Variants in PCDH11X observed in about 807,000 individuals in gnomAD.
PCDH11X encodes the protein protocadherin-11 X-linked.
Under a neutral mutation model 53.3 loss-of-function variants are expected in PCDH11X, and 18 were observed. The observed-to-expected ratio is 0.34, with a 90% CI of 0.23 to 0.50. The LOEUF (loss-of-function observed/expected upper bound fraction) is 0.50. Ranked by LOEUF, PCDH11X falls within the 20% of genes least tolerant of loss-of-function variation. The pLI, the probability that PCDH11X is intolerant of heterozygous loss-of-function variation, is 0.98. For missense variants in PCDH11X, 570 were observed against 1,032.4 expected, an observed-to-expected ratio of 0.55 and a Z score of 6.14; for synonymous variants, 279 against 393.3, an observed-to-expected ratio of 0.71 and a Z score of 3.44.
intron 6 of PCDH11X, among the ~76,000 whole-genome samples, chrX:92,190,500 G>T (rs1412543816): frequency 1.8e-5 from 2 of 111,799 alleles, no homozygotes; most frequent in Non-Finnish European, 3.8e-5. Flanking sequence ...GTTTATTTCT[G>T]TAGTCCCTGC....
chrX:91,945,689 A>C (rs904866838), intron 6 of PCDH11X, among the ~76,000 whole-genome samples: 2 of 107,072 alleles, frequency 1.9e-5, no homozygotes, highest in Non-Finnish European at 3.9e-5. Flanking sequence ...TAAGTAAAAA[A>C]TAATGGTAAA....
At chrX:91,931,163 G>T (rs1874680178) in intron 6 of PCDH11X, among the ~76,000 whole-genome samples, 1 of 106,906 alleles carries the variant, frequency 9.4e-6, no homozygotes. Flanking sequence ...TGTGTGTCGT[G>T]TGCGTGTGTG....
chrX:91,954,385 G>A (rs2061683187), intron 6 of PCDH11X, among the ~76,000 whole-genome samples: 1 of 111,338 alleles, frequency 9.0e-6, no homozygotes, highest in Non-Finnish European at 1.9e-5. Context: ...TTGATTCCAT[G>A]TCTTTGGTAT....
intron 10 of PCDH11X, among the ~76,000 whole-genome samples, chrX:92,536,782 G>C (rs749987723): frequency 2.0e-3 from 209 of 104,834 alleles, no homozygotes; most frequent in African/African-American, 7.1e-3. Context: ...CTCAGCCTCC[G>C]CAGTATCTGG....
chrX:92,055,508 C>T (rs183610414), intron 6 of PCDH11X, among the ~76,000 whole-genome samples: 4,119 of 102,249 alleles, frequency 0.04, 226 homozygotes, highest in African/African-American at 0.14. Flanking sequence ...TATATATATT[C>T]ATATGACATG....
chrX:92,474,848 C>A (rs2079789276), intron 10 of PCDH11X, among the ~76,000 whole-genome samples: 1 of 108,840 alleles, frequency 9.2e-6, no homozygotes, highest in African/African-American at 3.4e-5. Context: ...TTATTGGTTC[C>A]TGTTTTAATA....
intron 8 of PCDH11X, among the ~76,000 whole-genome samples, chrX:92,342,697 G>A (rs891958194): frequency 9.0e-5 from 10 of 110,785 alleles, no homozygotes; most frequent in Admixed American, 5.8e-4. Flanking sequence ...TATTCAAAAG[G>A]GGGGAGTGAG....
intron 6 of PCDH11X, among the ~76,000 whole-genome samples, chrX:92,157,226 AAC>A (rs1021540206): frequency 9.0e-6 from 1 of 111,595 alleles, no homozygotes; most frequent in African/African-American, 3.3e-5. Flanking sequence ...TCTGAATTAA[AAC>A]AGTTACCTAT....
At chrX:92,261,072 AT>A (rs763344410) in intron 7 of PCDH11X, among the ~76,000 whole-genome samples, 31 of 107,044 alleles carry the variant, frequency 2.9e-4, no homozygotes, top group Middle Eastern at 5.0e-3. Context: ...TCCAGCATTG[AT>A]TTTTTTTTTA....
chrX:91,827,494 A>T (rs1298722311), intron 4 of PCDH11X, among the ~76,000 whole-genome samples: 2 of 109,695 alleles, frequency 1.8e-5, no homozygotes, highest in Non-Finnish European at 3.8e-5. Context: ...TTTTGTTGTG[A>T]TTGTTTTTGG....
chrX:91,912,362 G>A (rs1941399495), intron 6 of PCDH11X, among the ~76,000 whole-genome samples: 1 of 111,370 alleles, frequency 9.0e-6, no homozygotes, highest in Non-Finnish European at 1.9e-5. Flanking sequence ...TCTGATCTTA[G>A]AGGAAAGGCT....
intron 6 of PCDH11X, among the ~76,000 whole-genome samples, chrX:91,923,132 T>C (rs2078413664): frequency 9.4e-6 from 1 of 106,545 alleles, no homozygotes; most frequent in African/African-American, 3.4e-5. Context: ...TAGGCATAAT[T>C]ATGACCTCAT....
chrX:92,617,134 C>T (rs12859443), intron 10 of PCDH11X, among the ~76,000 whole-genome samples: 1 of 111,620 alleles, frequency 9.0e-6, no homozygotes, highest in Non-Finnish European at 1.9e-5. Flanking sequence ...GTATTCAATA[C>T]TTAACCTTTG....
chrX:91,921,474 CT>C (rs1353035374), intron 6 of PCDH11X, among the ~76,000 whole-genome samples: 3 of 107,328 alleles, frequency 2.8e-5, no homozygotes, highest in Non-Finnish European at 5.8e-5. Context: ...CCTCCTTCCC[CT>C]ATTCCACAAC....
At chrX:92,299,010 C>T (rs2068666845) in intron 8 of PCDH11X, among the ~76,000 whole-genome samples, 1 of 111,545 alleles carries the variant, frequency 9.0e-6, no homozygotes, top group South Asian at 3.8e-4. Flanking sequence ...AGTAAATTTA[C>T]TTAACTTAGA....
At chrX:92,603,616 C>A (rs1602427388) in intron 10 of PCDH11X, among the ~76,000 whole-genome samples, 2 of 101,898 alleles carry the variant, frequency 2.0e-5, no homozygotes, top group Non-Finnish European at 2.0e-5. Flanking sequence ...AGTGAAATAA[C>A]AAAGAGTCGT....
intron 7 of PCDH11X, among the ~76,000 whole-genome samples, chrX:92,230,574 A>T (rs1344999595): frequency 2.1e-5 from 2 of 95,182 alleles, no homozygotes; most frequent in African/African-American, 3.8e-5. Flanking sequence ...TACATATATA[A>T]TATATATAAT....
At chrX:92,422,917 C>T (rs777784269) in intron 9 of PCDH11X, among the ~76,000 whole-genome samples, 96 of 108,928 alleles carry the variant, frequency 8.8e-4, no homozygotes, top group African/African-American at 3.0e-3. Flanking sequence ...GGCACGATAT[C>T]GGCTCACTGC....
intron 8 of PCDH11X, among the ~76,000 whole-genome samples, chrX:92,338,039 G>T (rs1286258666): frequency 9.0e-6 from 1 of 111,062 alleles, no homozygotes; most frequent in Non-Finnish European, 1.9e-5. Flanking sequence ...GGTTGGGGGG[G>T]TGTGGGTGTT....
Sources: allele counts gnomAD v4.1 joint callset (sites outside exome capture counted in the v4.1 genomes callset), GRCh38; gene constraint gnomAD v4.1.1; transcripts MANE v1.5; gene names NCBI Gene and HGNC (gene_info 2026-07-23, HGNC 2026-07-21).